Variants in RCAN2 observed in about 807,000 individuals in gnomAD.
RCAN2 encodes the protein calcipressin-2.
A neutral mutation model predicts 23.6 loss-of-function variants in RCAN2; 9 were observed. The ratio of observed to expected loss-of-function variants is 0.38; its 90% CI spans 0.23 to 0.67. RCAN2 has a LOEUF of 0.67. Among genes scored for constraint, RCAN2 ranks in the 30% least tolerant of loss-of-function variants. RCAN2 has a pLI of 0.51. For synonymous variants in RCAN2, 109 were observed against 115.7 expected (o/e 0.94, Z 0.37); for missense variants, 273 against 302.3 (o/e 0.90, Z 0.72).
At chr6:46,436,125 G>A (rs936295219) in intron 2 of RCAN2, among the ~76,000 whole-genome samples, 1 of 152,332 alleles carries the variant, frequency 6.6e-6, no homozygotes, top group Admixed American at 6.5e-5. Context: ...GTTCTTCTGA[G>A]GGTAGTGAGA....
At chr6:46,429,766 T>C (rs991619176) in intron 2 of RCAN2, among the ~76,000 whole-genome samples, 10 of 152,188 alleles carry the variant, frequency 6.6e-5, no homozygotes, top group Admixed American at 5.9e-4. Flanking sequence ...GGATCATTCA[T>C]GCTGAGATAA....
At chr6:46,477,779 A>G (rs1768755169) in intron 1 of RCAN2, among the ~76,000 whole-genome samples, 1 of 152,192 alleles carries the variant, frequency 6.6e-6, no homozygotes, top group East Asian at 1.9e-4. Flanking sequence ...AGACACATCC[A>G]TCTTGCCATC....
intron 2 of RCAN2, among the ~76,000 whole-genome samples, chr6:46,432,771 T>C (rs1393022877): frequency 6.6e-6 from 1 of 152,158 alleles, no homozygotes; most frequent in African/African-American, 2.4e-5. Context: ...GCTTATCTGA[T>C]TTTGAGGTTT....
intron 2 of RCAN2, among the ~76,000 whole-genome samples, chr6:46,391,350 A>T (rs1765931090): frequency 1.3e-5 from 2 of 152,134 alleles, no homozygotes; most frequent in East Asian, 3.9e-4. Flanking sequence ...GAGCTCTCAA[A>T]ATATGTGGCT....
chr6:46,310,033 C>T (rs1268466319), intron 2 of RCAN2, among the ~76,000 whole-genome samples: 1 of 152,128 alleles, frequency 6.6e-6, no homozygotes, highest in African/African-American at 2.4e-5. Flanking sequence ...TGCTTATATA[C>T]TACCCATCCC....
intron 2 of RCAN2, among the ~76,000 whole-genome samples, chr6:46,386,330 G>A (rs1404290896): frequency 6.6e-6 from 1 of 151,992 alleles, no homozygotes; most frequent in Non-Finnish European, 1.5e-5. Context: ...CGGGTGCGGT[G>A]GCTCACACCT....
At chr6:46,372,249 A>AT (rs1352045787) in intron 2 of RCAN2, among the ~76,000 whole-genome samples, 2 of 152,168 alleles carry the variant, frequency 1.3e-5, no homozygotes, top group African/African-American at 2.4e-5. Flanking sequence ...AGAAGCACCT[A>AT]TTTTTTATTG....
rs1762673412 is a variant in RCAN2 at position 46,294,935 on chromosome 6, G to A, written c.226-46039C>T. ...TGTAATATGAAGGCTGACCTGGAGA[G>A]TGACAAAAAATAAAGACAGAAAAAC... On this transcript the variant is annotated intron_variant, in intron 2 of 4. Coordinates refer to ENST00000371374, the MANE Select transcript of RCAN2 (RefSeq NM_001251974.2). Among the ~76,000 whole-genome samples, 4 of 152,248 alleles carry A rather than the reference G, an allele frequency of 2.6e-5. No individual in the cohort carries two copies. The South Asian group carries it at 8.3e-4, about 32-fold the overall frequency.
chr6:46,432,648 C>T (rs1036645375), intron 2 of RCAN2, among the ~76,000 whole-genome samples: 6 of 152,152 alleles, frequency 3.9e-5, no homozygotes, highest in African/African-American at 1.2e-4. Flanking sequence ...ACTTGGCCAA[C>T]GTGTTCACTG....
chr6:46,435,159 T>A (rs1241689735), intron 2 of RCAN2, among the ~76,000 whole-genome samples: 1 of 152,226 alleles, frequency 6.6e-6, no homozygotes, highest in Non-Finnish European at 1.5e-5. Flanking sequence ...TTTTAAAAGG[T>A]TACCATGTAT....
chr6:46,423,757 T>G (rs1212696609), intron 2 of RCAN2, among the ~76,000 whole-genome samples: 1 of 152,242 alleles, frequency 6.6e-6, no homozygotes. Flanking sequence ...TTTCTGAGAT[T>G]AGACTGAACT....
intron 2 of RCAN2, among the ~76,000 whole-genome samples, chr6:46,308,047 C>T (rs1417715035): frequency 6.6e-6 from 1 of 152,184 alleles, no homozygotes; most frequent in Non-Finnish European, 1.5e-5. Context: ...GGCAAAGATG[C>T]TGTGAGAAGG....
chr6:46,315,522 A>C (rs1763405408), intron 2 of RCAN2, among the ~76,000 whole-genome samples: 1 of 152,060 alleles, frequency 6.6e-6, no homozygotes, highest in Non-Finnish European at 1.5e-5. Context: ...GTTCCAAGGG[A>C]TGCTTGGTAC....
intron 2 of RCAN2, among the ~76,000 whole-genome samples, chr6:46,349,528 G>A (rs912515262): frequency 3.3e-5 from 5 of 151,606 alleles, no homozygotes; most frequent in African/African-American, 1.2e-4. Flanking sequence ...GTATTTCTAT[G>A]TAACAAACCT....
At chr6:46,275,651 G>A (rs1386977719) in intron 2 of RCAN2, among the ~76,000 whole-genome samples, 1 of 152,160 alleles carries the variant, frequency 6.6e-6, no homozygotes, top group Admixed American at 6.5e-5. Context: ...GGCTAGTGAT[G>A]ACAAAGTGCT....
At chr6:46,427,139 GA>G (rs1767053840) in intron 2 of RCAN2, among the ~76,000 whole-genome samples, 1 of 152,076 alleles carries the variant, frequency 6.6e-6, no homozygotes, top group Non-Finnish European at 1.5e-5. Flanking sequence ...TGAATAACTG[GA>G]ATTTAGAATG....
intron 2 of RCAN2, among the ~76,000 whole-genome samples, chr6:46,436,004 G>A (rs1278767065): frequency 4.6e-5 from 7 of 152,214 alleles, no homozygotes; most frequent in African/African-American, 1.7e-4. Flanking sequence ...TCTGTACGCA[G>A]GGGAGATAGA....
chr6:46,418,695 GTATATATATATATA>G (rs70996369), intron 2 of RCAN2, among the ~76,000 whole-genome samples: 18,054 of 121,364 alleles, frequency 0.15, 1,378 homozygotes, highest in Middle Eastern at 0.22. Flanking sequence ...ATGTGTGTGT[GTATATATATATATA>G]TATATATATA....
chr6:46,322,165 T>G (rs2150362571), intron 2 of RCAN2, among the ~76,000 whole-genome samples: 1 of 152,284 alleles, frequency 6.6e-6, no homozygotes, highest in South Asian at 2.1e-4. Context: ...TTCCCAAGGG[T>G]TTGGCTCTTT....
Sources: allele counts gnomAD v4.1 joint callset (sites outside exome capture counted in the v4.1 genomes callset), GRCh38; gene constraint gnomAD v4.1.1; transcripts MANE v1.5; gene names NCBI Gene and HGNC (gene_info 2026-07-23, HGNC 2026-07-21).